The following BCAN variants were observed in gnomAD, a reference collection of about 807,000 sequenced individuals.
BCAN encodes the protein brevican.
Under a neutral mutation model 92.4 loss-of-function variants are expected in BCAN, and 51 were observed. That is an observed-to-expected ratio of 0.55 (90% CI 0.44 to 0.70). The LOEUF (loss-of-function observed/expected upper bound fraction) is 0.70. BCAN is among the 30% of genes least tolerant of loss of function. BCAN has a pLI of 0.00. For missense variants in BCAN, 1,140 were observed against 1,212.1 expected, an observed-to-expected ratio of 0.94 and a Z score of 0.88; for synonymous variants, 501 against 505.2, an observed-to-expected ratio of 0.99 and a Z score of 0.11.
intron 6 of BCAN, 143 bp from the exon 7 acceptor site, chr1:156,651,313 A>T (rs990349390): frequency 2.6e-6 from 2 of 759,060 alleles, no homozygotes; most frequent in African/African-American, 3.5e-5. Flanking sequence ...TGAGTGACGA[A>T]GTTCTGGGAT....
At chr1:156,645,207 T>C (rs1167644905) in intron 1 of BCAN, among the ~76,000 whole-genome samples, 2 of 152,180 alleles carry the variant, frequency 1.3e-5, no homozygotes, top group Admixed American at 6.5e-5. Flanking sequence ...CCCAAGGCTT[T>C]CACAAAAGGT....
chr1:156,643,031 G>A (rs1458403595), intron 1 of BCAN: 1 of 152,178 alleles, frequency 6.6e-6, no homozygotes, highest in East Asian at 1.9e-4. Flanking sequence ...TCCATATCCT[G>A]TCAGGTATTC....
At chr1:156,645,618 A>G (rs1678935350) in intron 1 of BCAN, among the ~76,000 whole-genome samples, 1 of 152,098 alleles carries the variant, frequency 6.6e-6, no homozygotes, top group African/African-American at 2.4e-5. Flanking sequence ...CACTGGGAGG[A>G]GCAGATGGAA....
Position 156,657,057 on chromosome 1 carries a change from G to C in BCAN, c.2170G>C (p.Ala724Pro). 11 of 1,614,190 alleles carry C rather than the reference G, an allele frequency of 6.8e-6. No individual in the cohort carries two copies. Among genetic ancestry groups the C allele is most frequent in the Non-Finnish European group, 9.3e-6 (11 of 1,180,012 alleles). The stretch of plus-strand genomic sequence containing the variant: ...GTGCCGGATGTACGGCGCGCATCTG[G>C]CCAGCATCAGCACACCCGAGGAACA... ...TQCRMYGAHL[A>P]SISTPEEQDF... The change falls in exon 10 of 14, where the codon GCC (alanine) becomes CCC (proline). Residue 724 changes from alanine (A) to proline (P), a missense_variant. Physicochemically the swap from Ala to Pro is conservative, Grantham distance 27. Transcript: ENST00000329117.
At chr1:156,656,474 G>A (rs1679332993) in intron 9 of BCAN, 85 bp downstream of exon 9, 8 of 1,123,834 alleles carry the variant, frequency 7.1e-6, no homozygotes, top group Non-Finnish European at 2.4e-6. Context: ...GAGAACATTG[G>A]TTTTGGCCTT....
chr1:156,654,573 C>T lies in BCAN; in HGVS notation c.1942+1681C>T, dbSNP rs115978746. ...ATGACAAGAAGAAGAGTTCTTCACC[C>T]GACTCTGCCTGCGCTGGGTTCAGGT... is the stretch of plus-strand genomic sequence containing the variant. On this transcript the variant is annotated intron_variant, in intron 8 of 13. Coordinates refer to ENST00000329117, the MANE Select transcript of BCAN (RefSeq NM_021948.5). 2.2e-3 allele frequency among the ~76,000 whole-genome samples: 339 copies of T among 152,288 alleles called. 1 individual carries two copies. The highest frequency in any genetic ancestry group is 7.7e-3 in the African/African-American group (318 of 41,554).
At chr1:156,645,317 G>A (rs1472755723) in intron 1 of BCAN, among the ~76,000 whole-genome samples, 5 of 152,222 alleles carry the variant, frequency 3.3e-5, no homozygotes, top group South Asian at 2.1e-4. Context: ...GGGAAAGCCC[G>A]TGCCAGGCAG....
chr1:156,647,053 C>A lies in BCAN; in HGVS notation c.344C>A (p.Ala115Glu), dbSNP rs757148760. The change falls in exon 3 of 14, where the codon GCG becomes GAG. Residue 115 changes from alanine (A) to glutamate (E), a missense_variant. By Grantham distance (107) the Ala-to-Glu change is moderately radical (BLOSUM62 -1). Coordinates refer to ENST00000329117, the MANE Select transcript of BCAN (RefSeq NM_021948.5). The surrounding 1 kb of genome is among the most constrained non-coding windows in gnomAD (Gnocchi z 4.8). ...CGCGTGGCACTGCCTGCGTACCCAGCGTCGCTCACCGACGTCTCCCTGGCG... is the reference window on the plus strand; with the variant it reads ...CGCGTGGCACTGCCTGCGTACCCAGAGTCGCTCACCGACGTCTCCCTGGCG... ...RFRVALPAYP[A>E]SLTDVSLALS... 5.6e-6 allele frequency: 9 copies of A among 1,611,552 alleles called. No homozygotes were observed. The highest frequency in any genetic ancestry group is 4.0e-5 in the African/African-American group (3 of 75,020).
Position 156,648,732 on chromosome 1 carries a change from C to A in BCAN, c.934C>A (p.Arg312Ser). Residue 312 changes from arginine to serine, a missense_variant, in exon 6 of 14, where the codon CGC becomes AGC. Around this residue, in one of 3 missense-constraint regions of BCAN, gnomAD observed 825 missense variants for 871.8 expected, o/e 0.95. Coordinates refer to ENST00000329117, the MANE Select transcript of BCAN (RefSeq NM_021948.5). ...SPGWLADGSV[R>S]YPIVTPSQRC... is the part of the protein sequence containing the mutation. ...AGGGTGGCTAGCTGATGGCAGTGTG[C>A]GCTACCCCATCGTCACACCCAGCCA... is the stretch of plus-strand genomic sequence containing the variant. 6.2e-7 allele frequency: 1 copy of A among 1,613,232 alleles called. No individual in the cohort carries two copies. Among genetic ancestry groups the A allele is most frequent in the Admixed American group, 1.7e-5 (1 of 60,012 alleles).
chr1:156,647,447 G>T lies in BCAN; in HGVS notation c.467-61G>T. 4 of 1,459,742 alleles carry T rather than the reference G, an allele frequency of 2.7e-6. No individual in the cohort carries two copies. The highest frequency in any genetic ancestry group is 3.7e-6 in the Non-Finnish European group (4 of 1,084,304). The allele number at this position is 1,459,742 out of a possible 1,614,324, so 90.4% of individuals were successfully genotyped here. ...TTGTGTACAGAGGAGTGACAAGGAG[G>T]GTGAGGGGAGGCCAGCGTGCTGGGT... On this transcript the variant is annotated intron_variant, in intron 3 of 13. Coordinates refer to ENST00000329117, the MANE Select transcript of BCAN (RefSeq NM_021948.5). The surrounding 1 kb of genome is among the most constrained non-coding windows in gnomAD (Gnocchi z 4.8).
Position 156,658,999 on chromosome 1 carries a change from G to A in BCAN, c.2629-28G>A. On this transcript the variant is annotated intron_variant, in intron 13 of 13. Transcript: ENST00000329117. This position sits in a 1 kb window ranked among gnomAD's most constrained non-coding sequence, Gnocchi z 4.4. ...GAGGAGAGGAGAAGGAAGAGCCAGGGTGGAGGGTGAGTGTGTGTCTTCCCC... is the reference window on the plus strand; with the variant it reads ...GAGGAGAGGAGAAGGAAGAGCCAGGATGGAGGGTGAGTGTGTGTCTTCCCC... The A allele has an allele frequency of 6.4e-7, 1 of 1,559,388 alleles. No homozygotes were observed.
At chr1:156,653,069 T>C in intron 8 of BCAN, 177 bp downstream of exon 8, 1 of 1,480,754 alleles carries the variant, frequency 6.8e-7, no homozygotes, top group Non-Finnish European at 8.9e-7. Flanking sequence ...ATATCCACCT[T>C]GTGGGTATCT....
At chr1:156,653,375 A>C in intron 8 of BCAN, 1 of 1,017,612 alleles carries the variant, frequency 9.8e-7, no homozygotes, top group Non-Finnish European at 1.2e-6. Flanking sequence ...CCGTACCCCC[A>C]CAGAGCCTTA....
chr1:156,658,099 C>T lies in BCAN; in HGVS notation c.2293-28C>T, dbSNP rs746208474. ...TCTCCCGGTGCTCCTGGTGTAGGAG[C>T]TCCTCACCACCTCCTCCGTTCCCCC... On this transcript the variant is annotated intron_variant, in intron 11 of 13. Coordinates refer to ENST00000329117, the MANE Select transcript of BCAN (RefSeq NM_021948.5). The surrounding 1 kb of genome is among the most constrained non-coding windows in gnomAD (Gnocchi z 4.4). 6.2e-6 allele frequency: 10 copies of T among 1,608,884 alleles called. No individual in the cohort carries two copies. In the East Asian group the frequency reaches 1.8e-4, roughly 29 times the overall value.
In BCAN at chr1:156,657,877, G is replaced by A. The variant is rs1249856915; in HGVS notation, c.2292+120G>A. On this transcript the variant is annotated intron_variant, in intron 11 of 13. Coordinates refer to ENST00000329117, the MANE Select transcript of BCAN (RefSeq NM_021948.5). ...TTTTTCCGGCCTCCTTCCCTTTCTC[G>A]TGCCCTGTGCCTCTTCTCCCTGGGC... 5.9e-6 allele frequency: 5 copies of A among 841,578 alleles called. No homozygotes were observed. In the Admixed American group the frequency reaches 1.0e-4, roughly 18 times the overall value. 52.1% of individuals were successfully genotyped at this position (841,578 alleles called of 1,614,324 possible). A position where few individuals can be genotyped will look rare whatever the true frequency, so the allele number is the denominator to read the frequency against.
intron 6 of BCAN, 26 bp from the exon 7 acceptor site, chr1:156,651,430 G>C: frequency 6.3e-7 from 1 of 1,587,598 alleles, no homozygotes; most frequent in Non-Finnish European, 8.6e-7. Flanking sequence ...ATTCAGGCTC[G>C]CATCAATACT....
chr1:156,659,107 C>T lies in BCAN; in HGVS notation c.2709C>T (p.Pro903=). Residue 903 remains proline, a synonymous_variant, in exon 14 of 14, where the codon CCC becomes CCT. Transcript: ENST00000329117. ...LLGRWKALLI[P]PSSPMPGP ...GACGCTGGAAGGCGCTGTTGATCCC[C>T]CCTTCCAGCCCCATGCCAGGTCCCT... is the stretch of plus-strand genomic sequence containing the variant. 2 of 1,585,280 alleles carry T rather than the reference C, an allele frequency of 1.3e-6. No individual in the cohort carries two copies. Among genetic ancestry groups the T allele is most frequent in the Non-Finnish European group, 1.7e-6 (2 of 1,167,304 alleles).
At chr1:156,655,145 A>G (rs950748832) in intron 8 of BCAN, among the ~76,000 whole-genome samples, 1 of 152,162 alleles carries the variant, frequency 6.6e-6, no homozygotes, top group African/African-American at 2.4e-5. Context: ...GCTGAGGGCC[A>G]TGACCTACAC....
Position 156,657,066 on chromosome 1 carries a change from AG to A in BCAN, c.2180del (p.Ser727ThrfsTer129). 1 of 1,614,132 alleles carries A rather than the reference AG, an allele frequency of 6.2e-7. No homozygotes were observed. ...GTACGGCGCGCATCTGGCCAGCATC[AG>A]CACACCCGAGGAACAGGACTTCATC... is the stretch of plus-strand genomic sequence containing the variant. ...RMYGAHLASI[S>X]TPEEQDFINN... On this transcript the variant is annotated frameshift_variant, in exon 10 of 14. Coordinates refer to ENST00000329117, the MANE Select transcript of BCAN (RefSeq NM_021948.5). LOFTEE classifies it high-confidence loss of function.
Sources: gnomAD v4.1 joint callset for allele counts (sites outside exome capture counted in the v4.1 genomes callset) on GRCh38, gnomAD v4.1.1 for gene constraint, gnomAD v4.1.1 regional missense constraint, Gnocchi (gnomAD v3.1) non-coding constraint, MANE v1.5 for transcripts, NCBI Gene and HGNC (gene_info 2026-07-23, HGNC 2026-07-21) for gene names.